PAPPA2: variants seen among roughly 807,000 people sequenced by gnomAD.
The protein encoded by PAPPA2 is pappalysin-2.
Under a neutral mutation model 176.4 loss-of-function variants are expected in PAPPA2, and 86 were observed. The observed-to-expected ratio is 0.49, with a 90% confidence interval of 0.41 to 0.58. PAPPA2 has a LOEUF of 0.58. Ranked by LOEUF, PAPPA2 falls within the 20% of genes least tolerant of loss-of-function variation. The pLI is 0.00. For synonymous variants in PAPPA2, 809 were observed against 852.2 expected, an observed-to-expected ratio of 0.95 and a Z score of 0.88; for missense variants, 2,073 against 2,256.9, an observed-to-expected ratio of 0.92 and a Z score of 1.65.
chr1:176,545,339 G>A (rs1650573679), intron 1 of PAPPA2, among the ~76,000 whole-genome samples: 1 of 151,796 alleles, frequency 6.6e-6, no homozygotes, highest in Non-Finnish European at 1.5e-5. Context: ...GCCAGTACCT[G>A]GGACAAAGAC....
intron 3 of PAPPA2, among the ~76,000 whole-genome samples, chr1:176,655,608 A>C (rs1250260037): frequency 6.6e-6 from 1 of 151,876 alleles, no homozygotes; most frequent in Non-Finnish European, 1.5e-5. Flanking sequence ...GCATCTTCTC[A>C]CTTATAAGTC....
At chr1:176,669,819 C>T (rs1050190222) in intron 3 of PAPPA2, among the ~76,000 whole-genome samples, 5 of 152,104 alleles carry the variant, frequency 3.3e-5, no homozygotes, top group African/African-American at 9.7e-5. Flanking sequence ...ATGGCATCAA[C>T]AATCAGGAGG....
chr1:176,659,601 C>G (rs1658244242), intron 3 of PAPPA2, among the ~76,000 whole-genome samples: 1 of 152,016 alleles, frequency 6.6e-6, no homozygotes, highest in African/African-American at 2.4e-5. Context: ...ATAGCTACCC[C>G]AGTAGGTGCA....
intron 10 of PAPPA2, among the ~76,000 whole-genome samples, chr1:176,706,812 G>A (rs952843355): frequency 6.6e-6 from 1 of 152,124 alleles, no homozygotes; most frequent in South Asian, 2.1e-4. Flanking sequence ...CCAGGGTAAC[G>A]CCAATATGTC....
intron 2 of PAPPA2, among the ~76,000 whole-genome samples, chr1:176,566,631 A>T (rs1018377817): frequency 2.6e-5 from 4 of 152,158 alleles, no homozygotes; most frequent in Non-Finnish European, 5.9e-5. Flanking sequence ...GGAAATATTC[A>T]GGAGTGACAG....
At chr1:176,601,409 A>G (rs1010913337) in intron 3 of PAPPA2, among the ~76,000 whole-genome samples, 42 of 152,322 alleles carry the variant, frequency 2.8e-4, no homozygotes, top group Admixed American at 1.6e-3. Flanking sequence ...AGCCCAAAGT[A>G]GTTCCTCTCC....
intron 1 of PAPPA2, among the ~76,000 whole-genome samples, chr1:176,483,583 G>C (rs1399194619): frequency 6.9e-6 from 1 of 145,598 alleles, no homozygotes; most frequent in East Asian, 2.1e-4. Context: ...CGATTCTCCT[G>C]TCTCAGCCTC....
intron 1 of PAPPA2, among the ~76,000 whole-genome samples, chr1:176,497,565 A>C (rs1464656514): frequency 6.6e-6 from 1 of 152,252 alleles, no homozygotes; most frequent in African/African-American, 2.4e-5. Flanking sequence ...GTTTTTAAAA[A>C]TAATGAGCCA....
chr1:176,789,710 GC>G, intron 17 of PAPPA2, 98 bp from the exon 18 acceptor site: 1 of 1,340,132 alleles, frequency 7.5e-7, no homozygotes, highest in Non-Finnish European at 1.0e-6. Flanking sequence ...ATCTGTCCCT[GC>G]CTATTTGCTA....
In PAPPA2 at chr1:176,819,249, A is replaced by G. The variant is rs569019783; in HGVS notation, c.5202+19117A>G. On this transcript the variant is annotated intron_variant, in intron 21 of 22. Coordinates refer to ENST00000367662, the MANE Select transcript of PAPPA2 (RefSeq NM_020318.3). ...GAAAGGAAAATTTTGCTGACTTGAG[A>G]AGAGTAAAGTTGGCAAGAGATCCTG... Among the ~76,000 whole-genome samples, 3 of 152,248 alleles carry G rather than the reference A, an allele frequency of 2.0e-5. No homozygotes were observed. The South Asian group carries it at 6.2e-4, about 32-fold the overall frequency.
intron 3 of PAPPA2, among the ~76,000 whole-genome samples, chr1:176,615,938 A>G (rs1655197217): frequency 6.6e-6 from 1 of 152,210 alleles, no homozygotes; most frequent in South Asian, 2.1e-4. Flanking sequence ...TAAATTTCTT[A>G]TGTATCGATA....
chr1:176,502,736 C>T (rs1364275905), intron 1 of PAPPA2, among the ~76,000 whole-genome samples: 2 of 152,182 alleles, frequency 1.3e-5, no homozygotes, highest in Non-Finnish European at 2.9e-5. Context: ...TACTTCACAT[C>T]TAATTGAAAC....
intron 3 of PAPPA2, among the ~76,000 whole-genome samples, chr1:176,669,894 A>G (rs1658887602): frequency 3.3e-5 from 5 of 152,182 alleles, no homozygotes; most frequent in South Asian, 2.1e-4. Context: ...GTAGATTTCA[A>G]TGTCTGCAGC....
intron 3 of PAPPA2, among the ~76,000 whole-genome samples, chr1:176,601,219 G>C (rs907767861): frequency 1.3e-5 from 2 of 152,180 alleles, no homozygotes; most frequent in African/African-American, 2.4e-5. Context: ...GCAATGTGAT[G>C]ATGAAGCAAG....
chr1:176,835,955 A>C (rs1027935742), intron 21 of PAPPA2, among the ~76,000 whole-genome samples: 1 of 152,130 alleles, frequency 6.6e-6, no homozygotes, highest in Non-Finnish European at 1.5e-5. Context: ...TGTTCTTTGC[A>C]TTGTTTGGAT....
intron 1 of PAPPA2, among the ~76,000 whole-genome samples, chr1:176,525,037 G>A (rs1439778105): frequency 6.6e-6 from 1 of 151,598 alleles, no homozygotes; most frequent in Non-Finnish European, 1.5e-5. Flanking sequence ...AGGAGACTCC[G>A]TCTCAAAAAA....
chr1:176,541,309 A>C (rs1650353045), intron 1 of PAPPA2, among the ~76,000 whole-genome samples: 1 of 152,190 alleles, frequency 6.6e-6, no homozygotes, highest in Non-Finnish European at 1.5e-5. Flanking sequence ...CAGCGAATAC[A>C]TTTGTCATCA....
intron 2 of PAPPA2, among the ~76,000 whole-genome samples, chr1:176,562,391 C>T (rs182703690): frequency 2.6e-4 from 39 of 152,272 alleles, no homozygotes; most frequent in African/African-American, 8.2e-4. Context: ...AGGCAGGCCA[C>T]GTGTGGGATC....
chr1:176,702,877 G>T (rs887541095), intron 9 of PAPPA2, 142 bp downstream of exon 9: 4 of 1,164,682 alleles, frequency 3.4e-6, no homozygotes, highest in Non-Finnish European at 4.7e-6. Context: ...GAAATGTAGG[G>T]AGCAAGGCAC....
Sources: allele counts gnomAD v4.1 joint callset (sites outside exome capture counted in the v4.1 genomes callset), GRCh38; gene constraint gnomAD v4.1.1; transcripts MANE v1.5; gene names NCBI Gene and HGNC (gene_info 2026-07-23, HGNC 2026-07-21).